EPS15L1: variants seen among roughly 807,000 people sequenced by gnomAD.
EPS15L1 encodes the protein epidermal growth factor receptor pathway substrate 15 like 1.
Under a neutral mutation model 117.1 loss-of-function variants are expected in EPS15L1, and 43 were observed. The observed-to-expected ratio is 0.37, with a 90% CI of 0.29 to 0.47. The LOEUF (loss-of-function observed/expected upper bound fraction) is 0.47. Ranked by LOEUF, EPS15L1 falls within the 20% of genes least tolerant of loss-of-function variation. EPS15L1 has a pLI of 0.99. For missense variants in EPS15L1, 981 were observed against 1,164.0 expected (o/e 0.84, Z 2.29); for synonymous variants, 459 against 470.5 (o/e 0.98, Z 0.32).
At chr19:16,378,757 G>A (rs2092327418) in intron 21 of EPS15L1, among the ~76,000 whole-genome samples, 1 of 152,206 alleles carries the variant, frequency 6.6e-6, no homozygotes, top group South Asian at 2.1e-4. Context: ...GCATATCTCA[G>A]GCGTCTGAGG....
At chr19:16,440,808 A>C in intron 4 of EPS15L1, 54 bp downstream of exon 4, 1 of 1,569,426 alleles carries the variant, frequency 6.4e-7, no homozygotes, top group Non-Finnish European at 8.8e-7. Flanking sequence ...GAGGTCACCC[A>C]GCCTGGGGGC....
rs778816861 is a variant in EPS15L1 at position 16,421,493 on chromosome 19, CAA to C, written c.793-19_793-18del. 4.4e-6 allele frequency: 7 copies of C among 1,599,622 alleles called. No individual in the cohort carries two copies. The highest frequency in any genetic ancestry group is 1.7e-5 in the Admixed American group (1 of 59,664). On this transcript the variant is annotated intron_variant, in intron 9 of 23. Transcript: ENST00000455140. ...CACTGTTGGCTGAAACAGTTTTTGGCAAAACAGTTAATCTGGAAGCTTTTTAT... is the reference window on the plus strand; with the variant it reads ...CACTGTTGGCTGAAACAGTTTTTGGCAACAGTTAATCTGGAAGCTTTTTAT...
chr19:16,420,346 G>C (rs1465745945), intron 10 of EPS15L1, among the ~76,000 whole-genome samples: 1 of 152,244 alleles, frequency 6.6e-6, no homozygotes, highest in Non-Finnish European at 1.5e-5. Flanking sequence ...CAGTCAGGGT[G>C]TCAGGGCGCT....
At position 16,365,126 on chromosome 19, in the gene EPS15L1, C is replaced by A. The variant is rs1018825311; in HGVS notation, c.2381-3142G>T. Among the ~76,000 whole-genome samples, 1 of 152,224 alleles carries A rather than the reference C, an allele frequency of 6.6e-6. No individual in the cohort carries two copies. Among genetic ancestry groups the A allele is most frequent in the African/African-American group, 2.4e-5 (1 of 41,454 alleles). ...GCCTTCTCAGGGAAGAAATGGCAGC[C>A]CCTTCCCCATCATGCCTGTGTTCAG... On this transcript the variant is annotated intron_variant, in intron 22 of 23. Transcript: ENST00000455140. This position sits in a 1 kb window ranked among gnomAD's most constrained non-coding sequence, Gnocchi z 4.9.
chr19:16,391,838 C>T lies in EPS15L1; in HGVS notation c.2103+466G>A, dbSNP rs549321529. On this transcript the variant is annotated intron_variant, in intron 19 of 23. Transcript: ENST00000455140. ...ACGCCTGCACTTACTCCTGCCGTGA[C>T]GGGAGCACCTACCAAACGTGACTCT... Among the ~76,000 whole-genome samples, 71 of 152,166 alleles carry T rather than the reference C, an allele frequency of 4.7e-4. 1 individual carries two copies. The highest frequency in any genetic ancestry group is 1.3e-3 in the African/African-American group (54 of 41,504).
At chr19:16,358,014 C>G (rs2092005567) in intron 23 of EPS15L1, 1 of 152,448 alleles carries the variant, frequency 6.6e-6, no homozygotes, top group African/African-American at 2.4e-5. Flanking sequence ...CTCCACCAGC[C>G]TTGAGGACAG....
intron 21 of EPS15L1, among the ~76,000 whole-genome samples, chr19:16,377,575 A>C (rs1258615759): frequency 1.3e-5 from 2 of 152,190 alleles, no homozygotes; most frequent in Non-Finnish European, 2.9e-5. Context: ...TGACTCCAGG[A>C]CTTGGCACAT....
At chr19:16,424,329 C>T (rs1025949836) in intron 9 of EPS15L1, among the ~76,000 whole-genome samples, 1 of 152,072 alleles carries the variant, frequency 6.6e-6, no homozygotes, top group African/African-American at 2.4e-5. Context: ...ACCCTCCCAC[C>T]CCACCCCACC....
intron 7 of EPS15L1, among the ~76,000 whole-genome samples, chr19:16,433,428 G>A (rs2092948804): frequency 6.6e-6 from 1 of 152,034 alleles, no homozygotes; most frequent in African/African-American, 2.4e-5. Flanking sequence ...CACCGCACCA[G>A]GCTAAGACTT....
At chr19:16,367,692 T>A (rs1488889586) in intron 22 of EPS15L1, among the ~76,000 whole-genome samples, 1 of 149,990 alleles carries the variant, frequency 6.7e-6, no homozygotes, top group African/African-American at 2.5e-5. Context: ...GTTCTGACTT[T>A]TCTATCTTGC....
intron 13 of EPS15L1, among the ~76,000 whole-genome samples, chr19:16,406,360 T>C (rs2144852335): frequency 6.6e-6 from 1 of 152,114 alleles, no homozygotes; most frequent in East Asian, 1.9e-4. Flanking sequence ...CTCCAGTGAG[T>C]GTGCCAGGAA....
intron 3 of EPS15L1, 52 bp downstream of exon 3, chr19:16,441,840 G>A (rs2093035253): frequency 3.4e-6 from 5 of 1,450,542 alleles, no homozygotes; most frequent in South Asian, 1.2e-5. Flanking sequence ...GACCTGCGGG[G>A]GGAGCTGTGA....
intron 23 of EPS15L1, chr19:16,357,405 G>GCTCGTGGGCC (rs2091996031): frequency 6.6e-6 from 1 of 152,414 alleles, no homozygotes; most frequent in Non-Finnish European, 1.5e-5. Flanking sequence ...GGTGGGATAA[G>GCTCGTGGGCC]CCAGACTGAG....
At chr19:16,372,014 T>G (rs949970644) in intron 22 of EPS15L1, among the ~76,000 whole-genome samples, 2 of 152,210 alleles carry the variant, frequency 1.3e-5, no homozygotes, top group Non-Finnish European at 2.9e-5. Flanking sequence ...TGCTGGTTAT[T>G]TAATACCTTG....
chr19:16,417,982 A>G lies in EPS15L1; in HGVS notation c.1073T>C (p.Met358Thr). 4 of 1,614,156 alleles carry G rather than the reference A, an allele frequency of 2.5e-6. No individual in the cohort carries two copies. The highest frequency in any genetic ancestry group is 2.5e-6 in the Non-Finnish European group (3 of 1,180,026). ...IDPPQVLSPD[M>T]VPPSERGTPG... ...CGTGCCTCTCTCCGAAGGCGGGACC[A>G]TGTCCGGCGAGAGGACTTGAGGAGG... Residue 358 changes from methionine to threonine, a missense_variant, in exon 11 of 24, where the codon ATG (methionine) becomes ACG (threonine). Met to Thr is a moderately conservative substitution (Grantham distance 81, BLOSUM62 -1). Around this residue, in one of 5 missense-constraint regions of EPS15L1, gnomAD observed 819 missense variants for 949.0 expected, o/e 0.86. Transcript: ENST00000455140.
intron 21 of EPS15L1, chr19:16,384,038 C>A (rs758649244): frequency 1.3e-5 from 2 of 152,420 alleles, no homozygotes; most frequent in Non-Finnish European, 2.9e-5. Flanking sequence ...ACACCGGCCA[C>A]CCCTTACCAC....
intron 19 of EPS15L1, among the ~76,000 whole-genome samples, chr19:16,390,884 G>C (rs1267932260): frequency 6.6e-6 from 1 of 152,156 alleles, no homozygotes; most frequent in Non-Finnish European, 1.5e-5. Flanking sequence ...AATTTATACA[G>C]ATGCTCCTTG....
At position 16,403,913 on chromosome 19, in the gene EPS15L1, C is replaced by T. The variant is rs750566308; in HGVS notation, c.1446G>A (p.Thr482=). Reference sequence around the variant, plus strand: ...AGTCAGATTCCTGAGATTGGATTTGCGTTTTCAGTGATGAGATCTGAAATG... The same window carrying T: ...AGTCAGATTCCTGAGATTGGATTTGTGTTTTCAGTGATGAGATCTGAAATG... ...DETQMISSLK[T]QIQSQESDLK... is the part of the protein sequence containing the mutation. Residue 482 remains threonine (T), a synonymous_variant, in exon 15 of 24, where the codon ACG becomes ACA. Transcript: ENST00000455140. 6.2e-7 allele frequency: 1 copy of T among 1,613,788 alleles called. No individual in the cohort carries two copies. The highest frequency in any genetic ancestry group is 8.5e-7 in the Non-Finnish European group (1 of 1,179,880).
At chr19:16,468,515 T>A (rs917281823) in intron 1 of EPS15L1, among the ~76,000 whole-genome samples, 4 of 148,434 alleles carry the variant, frequency 2.7e-5, no homozygotes, top group African/African-American at 5.0e-5. Context: ...CTGGCTAACT[T>A]TTGTATTTTT....
Sources: allele counts gnomAD v4.1 joint callset (sites outside exome capture counted in the v4.1 genomes callset), GRCh38; gene constraint gnomAD v4.1.1; regional missense constraint gnomAD v4.1.1; non-coding constraint Gnocchi (gnomAD v3.1); transcripts MANE v1.5; gene names NCBI Gene and HGNC (gene_info 2026-07-23, HGNC 2026-07-21).